PALLD: variants seen among roughly 807,000 people sequenced by gnomAD.
The protein encoded by PALLD is palladin, cytoskeletal associated protein, also known as palladin.
In PALLD, 61 loss-of-function variants were observed where a neutral mutation model predicts 123.5. That is an observed-to-expected ratio of 0.49 (90% CI 0.40 to 0.61). PALLD has a LOEUF of 0.61. PALLD is among the 20% of genes least tolerant of loss of function. The pLI, the probability that PALLD is intolerant of heterozygous loss-of-function variation, is 0.00. For missense variants in PALLD, 1,273 were observed against 1,377.0 expected (o/e 0.92, Z 1.20); for synonymous variants, 465 against 496.4 (o/e 0.94, Z 0.84).
intron 2 of PALLD, among the ~76,000 whole-genome samples, chr4:168,576,384 C>T (rs1429812900): frequency 6.6e-6 from 1 of 152,008 alleles, no homozygotes; most frequent in Admixed American, 6.6e-5. Context: ...ATCCGTCCCC[C>T]CTCCCCCAAC....
At chr4:168,836,636 A>G (rs1174351042) in intron 10 of PALLD, among the ~76,000 whole-genome samples, 1 of 152,160 alleles carries the variant, frequency 6.6e-6, no homozygotes, top group East Asian at 1.9e-4. Flanking sequence ...GCAAACAGAG[A>G]TGAAGTACTG....
chr4:168,537,967 C>T (rs11933360), intron 2 of PALLD, among the ~76,000 whole-genome samples: 1 of 152,132 alleles, frequency 6.6e-6, no homozygotes. Context: ...AATTCTATCC[C>T]CCTTCAGGTG....
chr4:168,711,335 C>T (rs558431817), intron 9 of PALLD, among the ~76,000 whole-genome samples: 4 of 152,254 alleles, frequency 2.6e-5, no homozygotes, highest in East Asian at 1.9e-4. Context: ...TTTTATGATT[C>T]GGTAGCTGGG....
At position 168,921,382 on chromosome 4, in the gene PALLD, G is replaced by A. The variant is rs185718466; in HGVS notation, c.2851-152G>A. Reference sequence around the variant, plus strand: ...AGATTGTGCCACTGCACTCCAGCCTGGGCAATAAGAGTGAAACTCTGTCCA... The same window carrying A: ...AGATTGTGCCACTGCACTCCAGCCTAGGCAATAAGAGTGAAACTCTGTCCA... On this transcript the variant is annotated intron_variant, in intron 17 of 21. Coordinates refer to ENST00000505667, the MANE Select transcript of PALLD (RefSeq NM_001166108.2). 1.1e-3 allele frequency: 675 copies of A among 587,654 alleles called. 20 individuals are homozygous for A. The East Asian group carries it at 0.019, about 17-fold the overall frequency. 36.4% of individuals were successfully genotyped at this position (587,654 alleles called of 1,614,324 possible).
At chr4:168,575,342 C>G (rs1769444395) in intron 2 of PALLD, among the ~76,000 whole-genome samples, 1 of 151,988 alleles carries the variant, frequency 6.6e-6, no homozygotes, top group Non-Finnish European at 1.5e-5. Flanking sequence ...GGAGGGGAAG[C>G]AGGCACATCT....
chr4:168,608,213 G>T (rs1042472910), intron 2 of PALLD, among the ~76,000 whole-genome samples: 4 of 152,178 alleles, frequency 2.6e-5, no homozygotes, highest in African/African-American at 9.7e-5. Context: ...CAGATAAATA[G>T]GAGCCCATTC....
chr4:168,508,697 G>T (rs1032155764), intron 1 of PALLD, among the ~76,000 whole-genome samples: 1 of 152,096 alleles, frequency 6.6e-6, no homozygotes, highest in African/African-American at 2.4e-5. Flanking sequence ...TTCTTTCAAA[G>T]AAAAATAAAT....
intron 1 of PALLD, among the ~76,000 whole-genome samples, chr4:168,511,054 A>T (rs2149425359): frequency 6.6e-6 from 1 of 152,366 alleles, no homozygotes; most frequent in South Asian, 2.1e-4. Context: ...TTAGGGTTGG[A>T]TAATCAGAGT....
chr4:168,926,124 A>G (rs1762543408), intron 21 of PALLD, 89 bp from the exon 22 acceptor site: 7 of 1,119,254 alleles, frequency 6.3e-6, no homozygotes, highest in Non-Finnish European at 8.6e-6. Context: ...CCTTGCATCT[A>G]TCTAGACATT....
At chr4:168,528,639 C>T (rs562507101) in intron 2 of PALLD, among the ~76,000 whole-genome samples, 4 of 152,228 alleles carry the variant, frequency 2.6e-5, no homozygotes, top group Non-Finnish European at 4.4e-5. Flanking sequence ...AAAGACATAA[C>T]GTGACAGTAA....
intron 10 of PALLD, among the ~76,000 whole-genome samples, chr4:168,840,931 A>G (rs1745946451): frequency 6.6e-6 from 1 of 152,006 alleles, no homozygotes; most frequent in Admixed American, 6.6e-5. Flanking sequence ...GCTCACTGCA[A>G]CCTCTGCCTC....
At chr4:168,785,856 T>TAGATATCTAATAAACTGTAGAG (rs1736665427) in intron 10 of PALLD, among the ~76,000 whole-genome samples, 1 of 129,036 alleles carries the variant, frequency 7.7e-6, no homozygotes, top group Non-Finnish European at 1.7e-5. Context: ...GATATATATA[T>TAGATATCTAATAAACTGTAGAG]ATATATATAT....
At chr4:168,837,759 A>G (rs1745405308) in intron 10 of PALLD, among the ~76,000 whole-genome samples, 1 of 152,202 alleles carries the variant, frequency 6.6e-6, no homozygotes, top group Non-Finnish European at 1.5e-5. Context: ...CATTAATTCA[A>G]CAAATATTTT....
At chr4:168,720,528 C>G (rs1561445910) in intron 10 of PALLD, among the ~76,000 whole-genome samples, 1 of 152,178 alleles carries the variant, frequency 6.6e-6, no homozygotes, top group Non-Finnish European at 1.5e-5. Flanking sequence ...TACACACACT[C>G]TGAGTCACCA....
chr4:168,526,382 C>T (rs1394969373), intron 2 of PALLD, among the ~76,000 whole-genome samples: 1 of 152,192 alleles, frequency 6.6e-6, no homozygotes, highest in African/African-American at 2.4e-5. Flanking sequence ...TCTTTCATTA[C>T]AGTTTGTTCT....
intron 1 of PALLD, chr4:168,507,686 A>G (rs1283336135): frequency 5.3e-6 from 1 of 188,756 alleles, no homozygotes; most frequent in Admixed American, 6.2e-5. Flanking sequence ...GCAATCAGTT[A>G]TCTCTCAAAA....
intron 18 of PALLD, among the ~76,000 whole-genome samples, chr4:168,922,323 T>G (rs1761746981): frequency 6.6e-6 from 1 of 152,190 alleles, no homozygotes; most frequent in African/African-American, 2.4e-5. Context: ...ATACCATCCT[T>G]AAGAGTTAGG....
chr4:168,679,116 G>GTT (rs1781206319), intron 3 of PALLD, among the ~76,000 whole-genome samples: 4 of 138,190 alleles, frequency 2.9e-5, no homozygotes, highest in African/African-American at 5.5e-5. Context: ...GGGTGTGTGT[G>GTT]TGTGTGTGGT....
chr4:168,538,554 A>C (rs1765304915), intron 2 of PALLD, among the ~76,000 whole-genome samples: 1 of 152,168 alleles, frequency 6.6e-6, no homozygotes, highest in Admixed American at 6.5e-5. Context: ...CTTATGATTC[A>C]GTTATTATAC....
Sources: allele counts gnomAD v4.1 joint callset (sites outside exome capture counted in the v4.1 genomes callset), GRCh38; gene constraint gnomAD v4.1.1; transcripts MANE v1.5; gene names NCBI Gene and HGNC (gene_info 2026-07-23, HGNC 2026-07-21).